The following DMRTC2 variants were observed in gnomAD, a reference collection of about 807,000 sequenced individuals.
The protein encoded by DMRTC2 is doublesex- and mab-3-related transcription factor C2.
In DMRTC2, 13 loss-of-function variants were observed where a neutral mutation model predicts 39.9. The ratio of observed to expected loss-of-function variants is 0.33; its 90% confidence interval spans 0.21 to 0.52. The LOEUF is 0.52. DMRTC2 is among the 20% of genes least tolerant of loss of function. The pLI is 0.96. For synonymous variants in DMRTC2, 189 were observed against 185.2 expected, an observed-to-expected ratio of 1.02 and a Z score of -0.17; for missense variants, 431 against 472.8, an observed-to-expected ratio of 0.91 and a Z score of 0.82.
intron 6 of DMRTC2, 120 bp from the exon 7 acceptor site, chr19:41,850,192 A>G (rs2073933584): frequency 1.3e-6 from 1 of 791,116 alleles, no homozygotes; most frequent in Non-Finnish European, 1.9e-6. Flanking sequence ...ACACAGCTTA[A>G]TGGCCCAGCA....
chr19:41,848,607 C>A, intron 4 of DMRTC2, 79 bp downstream of exon 4: 1 of 1,371,482 alleles, frequency 7.3e-7, no homozygotes, highest in Non-Finnish European at 1.0e-6. Context: ...CCCTCAACAC[C>A]TGGGTTCTAG....
In DMRTC2 at chr19:41,845,065, G is replaced by GTCTTCT. The variant is rs1365087779; in HGVS notation, c.-39_-34dup. The GTCTTCT allele has an allele frequency of 6.6e-6, 1 of 152,214 alleles. No homozygotes were observed. The highest frequency in any genetic ancestry group is 1.5e-5 in the Non-Finnish European group (1 of 68,052). 9.4% of individuals were successfully genotyped at this position (152,214 alleles called of 1,614,324 possible). ...CCACTTTCTCACAGTGTCTTTGGGC[G>GTCTTCT]TCTTCTTGACTGAATCTGACTCCAT... On this transcript the variant is annotated 5_prime_UTR_variant, in exon 1 of 9. Coordinates refer to ENST00000269945, the MANE Select transcript of DMRTC2 (RefSeq NM_001040283.3).
chr19:41,851,362 G>A, intron 8 of DMRTC2: 1 of 542,308 alleles, frequency 1.8e-6, no homozygotes, highest in Non-Finnish European at 3.3e-6. Context: ...TCTGAACTAA[G>A]CAAGGACAAA....
At chr19:41,846,370 G>A (rs2073844078) in intron 1 of DMRTC2, among the ~76,000 whole-genome samples, 1 of 151,998 alleles carries the variant, frequency 6.6e-6, no homozygotes, top group Admixed American at 6.6e-5. Context: ...TGTGTGTGTG[G>A]GTGGGAAAGT....
chr19:41,847,319 G>T, intron 1 of DMRTC2, 106 bp from the exon 2 acceptor site: 1 of 1,446,110 alleles, frequency 6.9e-7, no homozygotes, highest in Non-Finnish European at 9.1e-7. Context: ...TCAGGGCGGG[G>T]TCTAAAGAGG....
In DMRTC2 at chr19:41,847,726, C is replaced by A; in HGVS notation, c.225-10C>A. ...TGGCTGACCTTTGACTTGCAACTCC[C>A]CACTTTTAGGGAGCGCCGCAGGGTC... On this transcript the variant is annotated splice_polypyrimidine_tract_variant and intron_variant, in intron 2 of 8. Coordinates refer to ENST00000269945, the MANE Select transcript of DMRTC2 (RefSeq NM_001040283.3). 2 of 1,614,074 alleles carry A rather than the reference C, an allele frequency of 1.2e-6. No individual in the cohort carries two copies. The highest frequency in any genetic ancestry group is 1.6e-4 in the Middle Eastern group (1 of 6,062).
intron 8 of DMRTC2, chr19:41,851,288 T>C: frequency 2.9e-6 from 1 of 339,476 alleles, no homozygotes; most frequent in Non-Finnish European, 5.4e-6. Context: ...ATGGTGGAGA[T>C]CTGGCATGCC....
In DMRTC2 at chr19:41,847,420, C is replaced by T. The variant is rs200605160; in HGVS notation, c.-4-5C>T. ...GCTATGCTTACCTTCCACTCCTGCC[C>T]CTAGATCCATGGAACCCAGTGACAT... On this transcript the variant is annotated splice_region_variant and splice_polypyrimidine_tract_variant and intron_variant, in intron 1 of 8. Transcript: ENST00000269945. The T allele has an allele frequency of 5.3e-4, 821 of 1,552,188 alleles. 7 individuals are homozygous for T. In the African/African-American group the frequency reaches 0.011, roughly 20 times the overall value.
chr19:41,845,598 A>G (rs2073816386), intron 1 of DMRTC2, among the ~76,000 whole-genome samples: 1 of 152,206 alleles, frequency 6.6e-6, no homozygotes, highest in Non-Finnish European at 1.5e-5. Context: ...CGAAGCAGGC[A>G]GGTCGCTTGA....
At position 41,850,550 on chromosome 19, in the gene DMRTC2, C is replaced by T. The variant is rs782679626; in HGVS notation, c.841C>T (p.Arg281Trp). The T allele has an allele frequency of 3.2e-5, 51 of 1,612,894 alleles. No individual in the cohort carries two copies. Among genetic ancestry groups the T allele is most frequent in the South Asian group, 1.1e-4 (10 of 90,958 alleles). ...PQASGASCLA[R>W]TSGPSEWQLQ... ...GGCCTCTGGAGCCTCGTGCCTGGCC[C>T]GGACATCTGGCCCCTCAGAGTGGCA... The change falls in exon 8 of 9, where the codon CGG becomes TGG. Residue 281 changes from arginine to tryptophan, a missense_variant. Coordinates refer to ENST00000269945, the MANE Select transcript of DMRTC2 (RefSeq NM_001040283.3).
At chr19:41,845,776 G>A (rs1204031641) in intron 1 of DMRTC2, among the ~76,000 whole-genome samples, 5 of 152,058 alleles carry the variant, frequency 3.3e-5, no homozygotes, top group Admixed American at 6.5e-5. Context: ...GCAGTGAGCC[G>A]GGATTGCACT....
intron 1 of DMRTC2, among the ~76,000 whole-genome samples, chr19:41,847,021 C>T (rs2073869417): frequency 6.6e-6 from 1 of 150,768 alleles, no homozygotes; most frequent in South Asian, 2.1e-4. Context: ...ACTAAACATA[C>T]AAAAATAAAA....
intron 1 of DMRTC2, among the ~76,000 whole-genome samples, chr19:41,846,102 G>T (rs1279557417): frequency 6.6e-6 from 1 of 152,174 alleles, no homozygotes; most frequent in Non-Finnish European, 1.5e-5. Flanking sequence ...AGGGGTACAA[G>T]AACAAAATAA....
chr19:41,851,699 A>T lies in DMRTC2; in HGVS notation c.*3A>T. ...GGTCCATCTCCCTCCTGAGCTAGAAACCCAGAGATGGAGGCTGTCTTGCTA... is the reference window on the plus strand; with the variant it reads ...GGTCCATCTCCCTCCTGAGCTAGAATCCCAGAGATGGAGGCTGTCTTGCTA... On this transcript the variant is annotated 3_prime_UTR_variant, in exon 9 of 9. Coordinates refer to ENST00000269945, the MANE Select transcript of DMRTC2 (RefSeq NM_001040283.3). 6.2e-7 allele frequency: 1 copy of T among 1,613,622 alleles called. No homozygotes were observed. The highest frequency in any genetic ancestry group is 1.3e-5 in the African/African-American group (1 of 74,990).
intron 1 of DMRTC2, 127 bp downstream of exon 1, chr19:41,845,228 T>A (rs2123191730): frequency 6.7e-6 from 1 of 150,178 alleles, no homozygotes; most frequent in African/African-American, 2.4e-5. Flanking sequence ...TCGCGCCCCC[T>A]CTCCCCTTCC....
intron 1 of DMRTC2, 125 bp from the exon 2 acceptor site, chr19:41,847,300 A>G: frequency 7.3e-7 from 1 of 1,371,884 alleles, no homozygotes; most frequent in Non-Finnish European, 9.4e-7. Flanking sequence ...GCTGGGAAAG[A>G]AGCCAGAATC....
chr19:41,849,098 C>T, intron 5 of DMRTC2, 32 bp from the exon 6 acceptor site: 1 of 1,614,062 alleles, frequency 6.2e-7, no homozygotes. Flanking sequence ...ACCTTGGCCC[C>T]TATACACTCT....
chr19:41,848,455 G>A lies in DMRTC2; in HGVS notation c.374G>A (p.Gly125Glu). 6.2e-7 allele frequency: 1 copy of A among 1,602,250 alleles called. No individual in the cohort carries two copies. The highest frequency in any genetic ancestry group is 8.5e-7 in the Non-Finnish European group (1 of 1,174,410). The part of the protein sequence containing the change: ...KGTTQPQVPS[G>E]KENIAPQPQT... ...AGCTCTCCCTGGTCCTTCACAGCTGGAAAGGAGAACATAGCACCCCAGCCT... is the reference window on the plus strand; with the variant it reads ...AGCTCTCCCTGGTCCTTCACAGCTGAAAAGGAGAACATAGCACCCCAGCCT... The change falls in exon 4 of 9, where the codon GGA (glycine) becomes GAA (glutamate). Residue 125 changes from glycine to glutamate, a missense_variant. Physicochemically the swap from Gly to Glu is moderately conservative, Grantham distance 98. Transcript: ENST00000269945.
At position 41,847,804 on chromosome 19, in the gene DMRTC2, A is replaced by G. The variant is rs2073887664; in HGVS notation, c.293A>G (p.His98Arg). The G allele has an allele frequency of 1.2e-6, 2 of 1,608,176 alleles. No homozygotes were observed. Residue 98 changes from histidine (H) to arginine (R), a missense_variant, in exon 3 of 9, where the codon CAC (histidine) becomes CGC (arginine). His to Arg is a conservative substitution (Grantham distance 29). Coordinates refer to ENST00000269945, the MANE Select transcript of DMRTC2 (RefSeq NM_001040283.3). ...RRQQEAQLKK[H>R]LMRRGEASPK... Reference sequence around the variant, plus strand: ...CAGCAGGAGGCGCAGCTAAAGAAGCACCTGATGAGGAGAGGGGAAGCCTCT... The same window carrying G: ...CAGCAGGAGGCGCAGCTAAAGAAGCGCCTGATGAGGAGAGGGGAAGCCTCT...
Sources: gnomAD v4.1 joint callset for allele counts (sites outside exome capture counted in the v4.1 genomes callset) on GRCh38, gnomAD v4.1.1 for gene constraint, MANE v1.5 for transcripts, NCBI Gene and HGNC (gene_info 2026-07-23, HGNC 2026-07-21) for gene names.